Variants in C19orf44 observed in about 807,000 individuals in gnomAD.
C19orf44 encodes the protein uncharacterized protein C19orf44.
Under a neutral mutation model 50.7 loss-of-function variants are expected in C19orf44, and 43 were observed. That is an observed-to-expected ratio of 0.85 (90% CI 0.66 to 1.09). The LOEUF is 1.09. Ranked by LOEUF, C19orf44 falls within the 50% of genes least tolerant of loss-of-function variation. The pLI, the probability that C19orf44 is intolerant of heterozygous loss-of-function variation, is 0.00. For synonymous variants in C19orf44, 298 were observed against 334.7 expected (o/e 0.89, Z 1.20); for missense variants, 722 against 836.2 (o/e 0.86, Z 1.68).
In C19orf44 at chr19:16,503,253, C is replaced by A; in HGVS notation, c.948C>A (p.Ile316=). ...DTASHTPSVS[I]TGAFSNSVSL... is the part of the protein sequence containing the mutation. ...CCTCCCACACGCCGTCAGTTTCCATCACAGGCGCCTTTTCAAACTCAGTGT... is the reference window on the plus strand; with the variant it reads ...CCTCCCACACGCCGTCAGTTTCCATAACAGGCGCCTTTTCAAACTCAGTGT... The change falls in exon 3 of 9, where the codon ATC becomes ATA. Residue 316 remains isoleucine (I), a synonymous_variant. Coordinates refer to ENST00000221671, the MANE Select transcript of C19orf44 (RefSeq NM_032207.4). 6.2e-7 allele frequency: 1 copy of A among 1,614,164 alleles called. No individual in the cohort carries two copies. The highest frequency in any genetic ancestry group is 8.5e-7 in the Non-Finnish European group (1 of 1,180,040).
At chr19:16,498,651 A>C (rs1411478080) in intron 1 of C19orf44, among the ~76,000 whole-genome samples, 1 of 151,256 alleles carries the variant, frequency 6.6e-6, no homozygotes, top group Non-Finnish European at 1.5e-5. Context: ...GGGGATGTGA[A>C]GTAGTAGCTC....
rs1356348143 is a variant in C19orf44 at position 16,520,794 on chromosome 19, C to T, written c.*741C>T. 3 of 1,601,334 alleles carry T rather than the reference C, an allele frequency of 1.9e-6. No homozygotes were observed. Among genetic ancestry groups the T allele is most frequent in the East Asian group, 2.2e-5 (1 of 44,836 alleles). On this transcript the variant is annotated 3_prime_UTR_variant, in exon 9 of 9. Coordinates refer to ENST00000221671, the MANE Select transcript of C19orf44 (RefSeq NM_032207.4). This position sits in a 1 kb window ranked among gnomAD's most constrained non-coding sequence, Gnocchi z 4.0. ...CCCATCACAAGCTGTGGACCCTGGC[C>T]CCCCGGCCACTGCAGACATCTGCGC...
chr19:16,506,038 G>C (rs2093439650), intron 3 of C19orf44, among the ~76,000 whole-genome samples: 1 of 150,846 alleles, frequency 6.6e-6, no homozygotes, highest in Non-Finnish European at 1.5e-5. Context: ...GAGTGCAGTG[G>C]TGTGATCATA....
Position 16,519,704 on chromosome 19 carries a change from C to A in C19orf44, c.*41-390C>A. 1 of 1,613,640 alleles carries A rather than the reference C, an allele frequency of 6.2e-7. No homozygotes were observed. Among genetic ancestry groups the A allele is most frequent in the Non-Finnish European group, 8.5e-7 (1 of 1,179,644 alleles). The stretch of plus-strand genomic sequence containing the variant: ...GGGAGGCGCCGAATTAGAACCCAGA[C>A]CAGCAGAGGAACTAAAATCGAGACA... On this transcript the variant is annotated intron_variant, in intron 8 of 8. Transcript: ENST00000221671. The surrounding 1 kb of genome is among the most constrained non-coding windows in gnomAD (Gnocchi z 6.0).
rs192562625 is a variant in C19orf44, at chr19:16,501,294, G to A, written c.502G>A (p.Ala168Thr). 2.4e-4 allele frequency: 389 copies of A among 1,614,086 alleles called. No individual in the cohort carries two copies. The highest frequency in any genetic ancestry group is 3.1e-4 in the Non-Finnish European group (369 of 1,180,038). Residue 168 changes from alanine (A) to threonine (T), a missense_variant, in exon 2 of 9, where the codon GCG (alanine) becomes ACG (threonine). Physicochemically the swap from Ala to Thr is moderately conservative, Grantham distance 58. Coordinates refer to ENST00000221671, the MANE Select transcript of C19orf44 (RefSeq NM_032207.4). ...TGTCACCGAAAATAATGCACAGAAC[G>A]CGAAGGTCAGTAGGTTTCTAAAGAA... ...LPVTENNAQN[A>T]KVSRFLKKKQ...
Position 16,519,060 on chromosome 19 carries a change from T to C in C19orf44, c.*41-1034T>C. The C allele has an allele frequency of 9.1e-7, 1 of 1,100,946 alleles. No homozygotes were observed. Among genetic ancestry groups the C allele is most frequent in the Middle Eastern group, 2.2e-4 (1 of 4,592 alleles). 68.2% of individuals were successfully genotyped at this position (1,100,946 alleles called of 1,614,324 possible). On this transcript the variant is annotated intron_variant, in intron 8 of 8. Coordinates refer to ENST00000221671, the MANE Select transcript of C19orf44 (RefSeq NM_032207.4). The surrounding 1 kb of genome is among the most constrained non-coding windows in gnomAD (Gnocchi z 6.0). Reference sequence around the variant, plus strand: ...TGGCTCTCCACAAGTGGAGACGGTGTAAGAACTGAGCTGTCACTGCAATCT... The same window carrying C: ...TGGCTCTCCACAAGTGGAGACGGTGCAAGAACTGAGCTGTCACTGCAATCT...
rs752750639 is a variant in C19orf44 at position 16,519,588 on chromosome 19, C to T, written c.*41-506C>T. ...TCCCGGGCCCAGCACGCGTGAGGAC[C>T]CATCCCGCGCCCTCCCCATTCCCTC... On this transcript the variant is annotated intron_variant, in intron 8 of 8. Transcript: ENST00000221671. This position sits in a 1 kb window ranked among gnomAD's most constrained non-coding sequence, Gnocchi z 6.0. The T allele has an allele frequency of 1.9e-6, 3 of 1,559,824 alleles. No individual in the cohort carries two copies. Among genetic ancestry groups the T allele is most frequent in the Non-Finnish European group, 2.7e-6 (3 of 1,130,798 alleles).
chr19:16,519,036 G>A lies in C19orf44; in HGVS notation c.*41-1058G>A, dbSNP rs1455634663. The stretch of plus-strand genomic sequence containing the variant: ...GCGCTGGTCTTCCTTCTCTTCCTGT[G>A]GCTCTCCACAAGTGGAGACGGTGTA... On this transcript the variant is annotated intron_variant, in intron 8 of 8. Coordinates refer to ENST00000221671, the MANE Select transcript of C19orf44 (RefSeq NM_032207.4). The surrounding 1 kb of genome is among the most constrained non-coding windows in gnomAD (Gnocchi z 6.0). 2.2e-6 allele frequency: 2 copies of A among 891,442 alleles called. No individual in the cohort carries two copies. The highest frequency in any genetic ancestry group is 2.8e-5 in the Admixed American group (1 of 36,356). The allele number at this position is 891,442 out of a possible 1,614,324, so 55.2% of individuals were successfully genotyped here.
intron 1 of C19orf44, among the ~76,000 whole-genome samples, chr19:16,500,405 T>A (rs1244954141): frequency 6.6e-6 from 1 of 151,268 alleles, no homozygotes; most frequent in African/African-American, 2.4e-5. Flanking sequence ...CAGGCTAGAG[T>A]GCAGTGGCAG....
intron 8 of C19orf44, chr19:16,518,844 A>G (rs2085575650): frequency 2.8e-6 from 1 of 362,108 alleles, no homozygotes; most frequent in Non-Finnish European, 5.1e-6. Flanking sequence ...ATGCACATCC[A>G]TCCCTTCGTG....
chr19:16,515,363 A>T (rs1414997705), intron 7 of C19orf44, among the ~76,000 whole-genome samples: 1 of 152,176 alleles, frequency 6.6e-6, no homozygotes, highest in Non-Finnish European at 1.5e-5. Context: ...CCGTCTCAAA[A>T]AAACTTTTTA....
rs375299260 is a variant in C19orf44, at chr19:16,519,291, G to A, written c.*41-803G>A. The A allele has an allele frequency of 1.1e-4, 171 of 1,613,830 alleles. No homozygotes were observed. The highest frequency in any genetic ancestry group is 1.2e-4 in the Non-Finnish European group (143 of 1,180,020). ...GGTCCCACTTATCCCGGACGTCCCC[G>A]CCCTTGATGGGGTCCTGGATCCCTT... On this transcript the variant is annotated intron_variant, in intron 8 of 8. Transcript: ENST00000221671. The surrounding 1 kb of genome is among the most constrained non-coding windows in gnomAD (Gnocchi z 6.0).
At chr19:16,508,710 AT>A (rs1180818032) in intron 4 of C19orf44, among the ~76,000 whole-genome samples, 6 of 151,576 alleles carry the variant, frequency 4.0e-5, no homozygotes, top group African/African-American at 1.2e-4. Context: ...TTTTTAAAAT[AT>A]TTTTTTTCTT....
chr19:16,519,042 C>T lies in C19orf44; in HGVS notation c.*41-1052C>T, dbSNP rs537190326. On this transcript the variant is annotated intron_variant, in intron 8 of 8. Transcript: ENST00000221671. This position sits in a 1 kb window ranked among gnomAD's most constrained non-coding sequence, Gnocchi z 6.0. Reference sequence around the variant, plus strand: ...GTCTTCCTTCTCTTCCTGTGGCTCTCCACAAGTGGAGACGGTGTAAGAACT... The same window carrying T: ...GTCTTCCTTCTCTTCCTGTGGCTCTTCACAAGTGGAGACGGTGTAAGAACT... 2.2e-5 allele frequency: 21 copies of T among 955,070 alleles called. No individual in the cohort carries two copies. The African/African-American group carries it at 3.1e-4, about 14-fold the overall frequency. The allele number at this position is 955,070 out of a possible 1,614,324, so 59.2% of individuals were successfully genotyped here. A position where few individuals can be genotyped will look rare whatever the true frequency, so the allele number is the denominator to read the frequency against.
intron 8 of C19orf44, chr19:16,518,680 T>C (rs2085572760): frequency 6.3e-6 from 1 of 158,580 alleles, no homozygotes. Flanking sequence ...GGCTTCGGCT[T>C]TGTCCCTACA....
Position 16,509,976 on chromosome 19 carries a change from G to A in C19orf44, c.1627G>A (p.Glu543Lys), listed in dbSNP as rs569954503. The stretch of plus-strand genomic sequence containing the variant: ...GACGCCAGATCCTGCCTTCACCTAC[G>A]AGTGGACCAAGGGTAAGCCTTGGGG... ...VQTPDPAFTYEWTKVASMAAM... is the reference protein window; with the variant it reads ...VQTPDPAFTYKWTKVASMAAM... The change falls in exon 5 of 9, where the codon GAG becomes AAG. Residue 543 changes from glutamate (E) to lysine (K), a missense_variant. By Grantham distance (56) the Glu-to-Lys change is moderately conservative (BLOSUM62 1). Transcript: ENST00000221671. The A allele has an allele frequency of 6.2e-6, 10 of 1,614,220 alleles. No individual in the cohort carries two copies. The highest frequency in any genetic ancestry group is 4.4e-5 in the South Asian group (4 of 91,078).
At chr19:16,510,365 C>T (rs1275594198) in intron 5 of C19orf44, among the ~76,000 whole-genome samples, 1 of 152,112 alleles carries the variant, frequency 6.6e-6, no homozygotes, top group Non-Finnish European at 1.5e-5. Context: ...GATGCCCCTG[C>T]ACTCCAGCCT....
rs1025510158 is a variant in C19orf44 at position 16,520,739 on chromosome 19, C to T, written c.*686C>T. The T allele has an allele frequency of 2.2e-5, 30 of 1,335,478 alleles. No homozygotes were observed. The Admixed American group carries it at 2.5e-4, about 11-fold the overall frequency. The allele number at this position is 1,335,478 out of a possible 1,614,324, so 82.7% of individuals were successfully genotyped here. A position where few individuals can be genotyped will look rare whatever the true frequency, so the allele number is the denominator to read the frequency against. On this transcript the variant is annotated 3_prime_UTR_variant, in exon 9 of 9. Transcript: ENST00000221671. The surrounding 1 kb of genome is among the most constrained non-coding windows in gnomAD (Gnocchi z 4.0). ...TAGGCACAGGCTGTGTGAGGGTGGACGTGATGAGTGTATCTGGGGTCTGCT... is the reference window on the plus strand; with the variant it reads ...TAGGCACAGGCTGTGTGAGGGTGGATGTGATGAGTGTATCTGGGGTCTGCT...
Position 16,509,671 on chromosome 19 carries a change from C to G in C19orf44, c.1322C>G (p.Ala441Gly). 6.8e-6 allele frequency: 11 copies of G among 1,614,230 alleles called. No individual in the cohort carries two copies. The highest frequency in any genetic ancestry group is 9.3e-6 in the Non-Finnish European group (11 of 1,180,044). The change falls in exon 5 of 9, where the codon GCT (alanine) becomes GGT (glycine). Residue 441 changes from alanine to glycine, a missense_variant. Transcript: ENST00000221671. ...EVSEHLSASSASAIQQDSTSS... is the reference protein window; with the variant it reads ...EVSEHLSASSGSAIQQDSTSS... ...TCGGAGCATCTCAGTGCCAGCTCGG[C>G]TTCTGCCATCCAGCAGGACAGCACT...
Sources: allele counts gnomAD v4.1 joint callset (sites outside exome capture counted in the v4.1 genomes callset), GRCh38; gene constraint gnomAD v4.1.1; non-coding constraint Gnocchi (gnomAD v3.1); transcripts MANE v1.5; gene names NCBI Gene and HGNC (gene_info 2026-07-23, HGNC 2026-07-21).